Variants in KLF8 observed in about 807,000 individuals in gnomAD.
KLF8 encodes the protein KLF transcription factor 8.
A neutral mutation model predicts 18.2 loss-of-function variants in KLF8; 10 were observed. The ratio of observed to expected loss-of-function variants is 0.55; its 90% CI spans 0.34 to 0.93. The LOEUF is 0.93. Among genes scored for constraint, KLF8 ranks in the 40% least tolerant of loss-of-function variants. The pLI, the probability that KLF8 is intolerant of heterozygous loss-of-function variation, is 0.02. For synonymous variants in KLF8, 109 were observed against 97.3 expected (o/e 1.12, Z -0.71); for missense variants, 264 against 277.9 (o/e 0.95, Z 0.36).
At chrX:55,999,075 C>T in the KLF8 span, among the ~76,000 whole-genome samples, 2 of 109,121 alleles carry the variant, frequency 1.8e-5, no homozygotes, top group East Asian at 2.9e-4. Context: ...TTAGTTTTCC[C>T]AGCACCATTT....
the KLF8 span, among the ~76,000 whole-genome samples, chrX:56,050,737 A>G: frequency 8.9e-6 from 1 of 112,109 alleles, no homozygotes; most frequent in Non-Finnish European, 1.9e-5. Context: ...AAAAAAATGT[A>G]TATTCTGTTG....
chrX:56,043,668 T>A, the KLF8 span, among the ~76,000 whole-genome samples: 1 of 112,478 alleles, frequency 8.9e-6, no homozygotes, highest in Non-Finnish European at 1.9e-5. Context: ...GTTATGTTTC[T>A]CTCGAAACTG....
chrX:56,061,879 C>T, the KLF8 span, among the ~76,000 whole-genome samples: 3 of 110,264 alleles, frequency 2.7e-5, no homozygotes, highest in Middle Eastern at 4.2e-3. Flanking sequence ...CGATAGTTAC[C>T]TCTTCTTGTT....
At chrX:56,113,999 G>GC in the KLF8 span, among the ~76,000 whole-genome samples, 2 of 111,982 alleles carry the variant, frequency 1.8e-5, no homozygotes, top group African/African-American at 6.5e-5. Flanking sequence ...ACTGCGGCTG[G>GC]CCCTACCCCC....
At chrX:56,071,228 A>G in the KLF8 span, among the ~76,000 whole-genome samples, 5 of 111,771 alleles carry the variant, frequency 4.5e-5, no homozygotes, top group Non-Finnish European at 9.4e-5. Context: ...GAAGGTAATT[A>G]AAGGTAATCT....
chrX:56,244,928 G>GTT (rs35623526), intron 1 of KLF8, among the ~76,000 whole-genome samples: 1 of 110,779 alleles, frequency 9.0e-6, no homozygotes, highest in Non-Finnish European at 1.9e-5. Context: ...TTAGCAGACA[G>GTT]TTTTTCAGAA....
chrX:56,048,850 A>C, the KLF8 span, among the ~76,000 whole-genome samples: 1 of 111,652 alleles, frequency 9.0e-6, no homozygotes, highest in Non-Finnish European at 1.9e-5. Flanking sequence ...TCTTTAAATT[A>C]CCTTGGGCAG....
the KLF8 span, among the ~76,000 whole-genome samples, chrX:56,133,874 A>G: frequency 1.3e-4 from 14 of 109,633 alleles, no homozygotes; most frequent in African/African-American, 4.6e-4. Context: ...ACCAACAGTG[A>G]TCAAGCTGAG....
At chrX:56,134,716 A>G in the KLF8 span, among the ~76,000 whole-genome samples, 33 of 111,663 alleles carry the variant, frequency 3.0e-4, no homozygotes, top group Admixed American at 5.7e-4. Context: ...TTAAACAGAC[A>G]AACTACAGAG....
At position 56,257,677 on chromosome X, in the gene KLF8, A is replaced by G. The variant is rs1326588038; in HGVS notation, c.81+7373A>G. On this transcript the variant is annotated intron_variant, in intron 2 of 5. Coordinates refer to ENST00000468660, the MANE Select transcript of KLF8 (RefSeq NM_007250.5). Reference sequence around the variant, plus strand: ...CTCTAGCTGTATCCATATTGCTGCAAAAGACATGATTTTGTTCTTATTTAT... The same window carrying G: ...CTCTAGCTGTATCCATATTGCTGCAGAAGACATGATTTTGTTCTTATTTAT... Among the ~76,000 whole-genome samples the G allele has an allele frequency of 2.7e-5, 3 of 112,240 alleles. No individual in the cohort carries two copies. In the Admixed American group the frequency reaches 2.8e-4, roughly 11 times the overall value.
intron 1 of KLF8, among the ~76,000 whole-genome samples, chrX:56,241,079 G>A (rs2066538000): frequency 1.8e-5 from 2 of 112,176 alleles, no homozygotes; most frequent in Admixed American, 1.9e-4. Context: ...TTGAGGTACA[G>A]ATGAAACAAG....
At chrX:56,084,202 G>A in the KLF8 span, among the ~76,000 whole-genome samples, 13 of 110,958 alleles carry the variant, frequency 1.2e-4, no homozygotes. Flanking sequence ...AATATAGGGA[G>A]ACCTTGTCCC....
chrX:56,162,063 C>T, the KLF8 span, among the ~76,000 whole-genome samples: 1 of 111,945 alleles, frequency 8.9e-6, no homozygotes, highest in Non-Finnish European at 1.9e-5. Flanking sequence ...TGGGTATCAG[C>T]AGCAGAGGCT....
the KLF8 span, among the ~76,000 whole-genome samples, chrX:56,093,026 A>C: frequency 9.0e-6 from 1 of 110,749 alleles, no homozygotes; most frequent in Non-Finnish European, 1.9e-5. Context: ...AAAAAAAAAA[A>C]ACAGAACAGA....
chrX:56,056,944 G>T, the KLF8 span, among the ~76,000 whole-genome samples: 1 of 111,098 alleles, frequency 9.0e-6, no homozygotes, highest in East Asian at 2.8e-4. Context: ...TTTGTAATGC[G>T]GTTACTGAAG....
At chrX:56,217,517 C>A in the KLF8 span, among the ~76,000 whole-genome samples, 1 of 110,462 alleles carries the variant, frequency 9.1e-6, no homozygotes, top group East Asian at 2.8e-4. Flanking sequence ...TGGGTTCAAG[C>A]GATTCTCCTA....
the KLF8 span, among the ~76,000 whole-genome samples, chrX:56,224,869 G>A: frequency 1.8e-5 from 2 of 111,568 alleles, no homozygotes; most frequent in African/African-American, 3.3e-5. Context: ...TTTGGTGTCT[G>A]GTGAGGGCTC....
chrX:56,269,192 C>CAA (rs377254816), intron 3 of KLF8, 186 bp from the exon 4 acceptor site: 121 of 757,783 alleles, frequency 1.6e-4, no homozygotes, highest in African/African-American at 1.2e-3. Flanking sequence ...CCCTGCTATG[C>CAA]AAAAAAAAAA....
the KLF8 span, among the ~76,000 whole-genome samples, chrX:56,087,195 A>G: frequency 9.0e-6 from 1 of 111,186 alleles, no homozygotes; most frequent in Non-Finnish European, 1.9e-5. Context: ...TCATTCATTC[A>G]CCAGATGTTT....
Sources: gnomAD v4.1 joint callset for allele counts (sites outside exome capture counted in the v4.1 genomes callset) on GRCh38, gnomAD v4.1.1 for gene constraint, MANE v1.5 for transcripts, NCBI Gene and HGNC (gene_info 2026-07-23, HGNC 2026-07-21) for gene names.